Variants in CAST observed in about 807,000 individuals in gnomAD.
CAST encodes the protein MIR583 host.
A neutral mutation model predicts 119.6 loss-of-function variants in CAST; 76 were observed. The observed-to-expected ratio is 0.64, with a 90% confidence interval of 0.53 to 0.77. CAST has a LOEUF of 0.77. Ranked by LOEUF, CAST falls within the 30% of genes least tolerant of loss-of-function variation. The pLI, the probability that CAST is intolerant of heterozygous loss-of-function variation, is 0.00. For missense variants in CAST, 953 were observed against 946.5 expected (o/e 1.01, Z -0.09); for synonymous variants, 319 against 331.6 (o/e 0.96, Z 0.41).
the CAST span, among the ~76,000 whole-genome samples, chr5:96,068,673 T>C: frequency 8.7e-3 from 1,312 of 151,530 alleles, 14 homozygotes; most frequent in African/African-American, 0.03. Flanking sequence ...TTTTAATTGT[T>C]CATGTATATA....
chr5:96,367,081 G>T, the CAST span, among the ~76,000 whole-genome samples: 4 of 152,188 alleles, frequency 2.6e-5, no homozygotes, highest in African/African-American at 9.7e-5. Flanking sequence ...GTTGGAGTTT[G>T]CTTGAGGTCT....
the CAST span, among the ~76,000 whole-genome samples, chr5:96,231,443 G>C: frequency 2.5e-3 from 381 of 152,168 alleles, 2 homozygotes; most frequent in African/African-American, 8.9e-3. Flanking sequence ...AATCTATAGA[G>C]GCAGAAAATA....
the CAST span, among the ~76,000 whole-genome samples, chr5:96,342,595 G>C: frequency 6.6e-6 from 1 of 152,144 alleles, no homozygotes; most frequent in Admixed American, 6.5e-5. Flanking sequence ...CTTGTCAAAG[G>C]ACAGACCCTA....
At chr5:95,961,694 G>A in the CAST span, 14 of 1,602,394 alleles carry the variant, frequency 8.7e-6, no homozygotes, top group African/African-American at 1.4e-4. Context: ...TGCTCCTCCC[G>A]CAGGCCCCCT....
intron 24 of CAST, among the ~76,000 whole-genome samples, chr5:96,760,643 C>T (rs1181267724): frequency 6.6e-6 from 1 of 151,740 alleles, no homozygotes; most frequent in Non-Finnish European, 1.5e-5. Flanking sequence ...AACATTATGC[C>T]ATGTTTATTA....
At chr5:96,229,863 C>T in the CAST span, among the ~76,000 whole-genome samples, 2 of 152,102 alleles carry the variant, frequency 1.3e-5, no homozygotes, top group Non-Finnish European at 2.9e-5. Context: ...CTTTGACAAA[C>T]CATCAATAAA....
At chr5:96,606,678 C>G (rs1219830440) in intron 1 of CAST, among the ~76,000 whole-genome samples, 2 of 152,204 alleles carry the variant, frequency 1.3e-5, no homozygotes, top group African/African-American at 4.8e-5. Context: ...TGTGGAAAAG[C>G]TGGATGCTCC....
intron 2 of CAST, among the ~76,000 whole-genome samples, chr5:96,694,646 C>A (rs192409168): frequency 1.2e-4 from 19 of 152,120 alleles, no homozygotes; most frequent in Non-Finnish European, 2.5e-4. Context: ...AACAAACAAA[C>A]AAACAAACAA....
At chr5:96,525,680 T>C (rs1237145971), upstream of CAST, among the ~76,000 whole-genome samples, 3 of 152,246 alleles carry the variant, frequency 2.0e-5, no homozygotes, top group Non-Finnish European at 4.4e-5. Flanking sequence ...TAATCAAGTA[T>C]AAATGATTAT....
the CAST span, among the ~76,000 whole-genome samples, chr5:96,215,799 T>C: frequency 6.6e-6 from 1 of 152,228 alleles, no homozygotes; most frequent in South Asian, 2.1e-4. Context: ...TTTTCTCTTA[T>C]AATTTTCATT....
chr5:96,711,983 T>C lies in CAST; in HGVS notation c.211-10656T>C, dbSNP rs112307753. On this transcript the variant is annotated intron_variant, in intron 3 of 31. Coordinates refer to ENST00000675179, the MANE Select transcript of CAST (RefSeq NM_001750.7). ...AATATGGTGAAAATTAATAGTAAAA[T>C]TAAATAGCACATAACTGAAAACACC... Among the ~76,000 whole-genome samples, 594 of 152,242 alleles carry C rather than the reference T, an allele frequency of 3.9e-3. 10 individuals are homozygous for C. The highest frequency in any genetic ancestry group is 0.033 in the South Asian group (158 of 4,820).
At chr5:96,118,050 A>G in the CAST span, among the ~76,000 whole-genome samples, 1 of 152,206 alleles carries the variant, frequency 6.6e-6, no homozygotes, top group Non-Finnish European at 1.5e-5. Flanking sequence ...TAATAAGGAT[A>G]CGTTTGCTGT....
At position 96,556,375 on chromosome 5, in the gene CAST, G is replaced by A. The variant is rs987266952; in HGVS notation, c.60+26495G>A. On this transcript the variant is annotated intron_variant, in intron 1 of 11. Transcript: ENST00000505143. ...GCTGGACGGAGAATGACTTTGACGA[G>A]TTGAGAGAAGAAGGCTTCAGAAGAT... is the stretch of plus-strand genomic sequence containing the variant. 8.5e-5 allele frequency among the ~76,000 whole-genome samples: 13 copies of A among 152,358 alleles called. 1 individual carries two copies. Among genetic ancestry groups the A allele is most frequent in the African/African-American group, 2.9e-4 (12 of 41,574 alleles).
the CAST span, among the ~76,000 whole-genome samples, chr5:96,229,895 G>A: frequency 1.3e-5 from 2 of 152,002 alleles, no homozygotes; most frequent in Non-Finnish European, 2.9e-5. Flanking sequence ...TCCTCCCCCC[G>A]TGTTCCTTCT....
intron 2 of CAST, among the ~76,000 whole-genome samples, chr5:96,695,066 A>G (rs549526548): frequency 4.6e-5 from 7 of 152,202 alleles, no homozygotes; most frequent in Non-Finnish European, 1.0e-4. Flanking sequence ...CAGTATAGGT[A>G]GGTAAGAGAT....
At chr5:96,244,887 A>G in the CAST span, among the ~76,000 whole-genome samples, 1 of 152,336 alleles carries the variant, frequency 6.6e-6, no homozygotes, top group African/African-American at 2.4e-5. Flanking sequence ...GTGTGGGTAA[A>G]TATAGCCTTA....
chr5:96,203,302 CTT>C, the CAST span, among the ~76,000 whole-genome samples: 2 of 151,580 alleles, frequency 1.3e-5, no homozygotes, highest in Non-Finnish European at 2.9e-5. Context: ...GGTGTAGAGA[CTT>C]TTAGCTATTC....
At chr5:96,619,556 T>G (rs942842336) in intron 1 of CAST, among the ~76,000 whole-genome samples, 1 of 152,182 alleles carries the variant, frequency 6.6e-6, no homozygotes, top group Non-Finnish European at 1.5e-5. Context: ...TTCTTTTGCT[T>G]TTTGCAATAA....
the CAST span, among the ~76,000 whole-genome samples, chr5:96,042,278 T>C: frequency 1.3e-5 from 2 of 152,164 alleles, no homozygotes; most frequent in African/African-American, 4.8e-5. Flanking sequence ...TGCAAGCCAA[T>C]AGTCTTTTTG....
Sources: allele counts gnomAD v4.1 joint callset (sites outside exome capture counted in the v4.1 genomes callset), GRCh38; gene constraint gnomAD v4.1.1; transcripts MANE v1.5; gene names NCBI Gene and HGNC (gene_info 2026-07-23, HGNC 2026-07-21).